Variants in AGPAT3 observed in about 807,000 individuals in gnomAD.
AGPAT3 encodes the protein 1-acyl-sn-glycerol-3-phosphate acyltransferase gamma.
In AGPAT3, 5 loss-of-function variants were observed where a neutral mutation model predicts 47.3. That is an observed-to-expected ratio of 0.11 (90% CI 0.06 to 0.22). AGPAT3 has a LOEUF of 0.22. AGPAT3 is among the 10% of genes least tolerant of loss of function. AGPAT3 has a pLI of 1.00. For missense variants in AGPAT3, 315 were observed against 493.0 expected, an observed-to-expected ratio of 0.64 and a Z score of 3.42; for synonymous variants, 212 against 208.3, an observed-to-expected ratio of 1.02 and a Z score of -0.15.
intron 1 of AGPAT3, among the ~76,000 whole-genome samples, chr21:43,895,318 A>G (rs1289785758): frequency 6.6e-6 from 1 of 151,890 alleles, no homozygotes; most frequent in Non-Finnish European, 1.5e-5. Context: ...CATGTTGCCC[A>G]GGCTGGTCTC....
At chr21:43,946,185 C>T (rs547805122) in intron 2 of AGPAT3, among the ~76,000 whole-genome samples, 2 of 152,204 alleles carry the variant, frequency 1.3e-5, no homozygotes, top group East Asian at 3.9e-4. Flanking sequence ...GAAGCAAAGT[C>T]GAGAACTTAC....
At chr21:43,926,001 G>A (rs1435943600) in intron 2 of AGPAT3, among the ~76,000 whole-genome samples, 2 of 152,266 alleles carry the variant, frequency 1.3e-5, no homozygotes, top group Non-Finnish European at 2.9e-5. Flanking sequence ...CTGGAAATAG[G>A]TACTGGATTT....
At chr21:43,936,561 G>A (rs1395244067) in intron 2 of AGPAT3, among the ~76,000 whole-genome samples, 4 of 152,234 alleles carry the variant, frequency 2.6e-5, no homozygotes, top group Non-Finnish European at 5.9e-5. Context: ...CAGGTGGCAC[G>A]CCGGTAATGC....
At chr21:43,890,419 A>C (rs1360926133) in intron 1 of AGPAT3, among the ~76,000 whole-genome samples, 1 of 151,910 alleles carries the variant, frequency 6.6e-6, no homozygotes, top group Non-Finnish European at 1.5e-5. Flanking sequence ...ACCCGGTCTC[A>C]ATTTTTTTTT....
chr21:43,879,516 G>A lies in AGPAT3; in HGVS notation c.-112+14171G>A, dbSNP rs561238898. Among the ~76,000 whole-genome samples, 7 of 152,166 alleles carry A rather than the reference G, an allele frequency of 4.6e-5. No individual in the cohort carries two copies. The East Asian group carries it at 5.8e-4, about 13-fold the overall frequency. ...CTGGAGGAGGAGTCTGGTCTTTCTC[G>A]GTGGGAAGTGCTGGGTGGCCGTGGG... is the stretch of plus-strand genomic sequence containing the variant. On this transcript the variant is annotated intron_variant, in intron 1 of 9. Transcript: ENST00000291572.
In AGPAT3 at chr21:43,920,503, C is replaced by T. The variant is rs1288893567; in HGVS notation, c.-49+16484C>T. On this transcript the variant is annotated intron_variant, in intron 2 of 9. Transcript: ENST00000291572. This position sits in a 1 kb window ranked among gnomAD's most constrained non-coding sequence, Gnocchi z 6.1. Reference sequence around the variant, plus strand: ...TAATGAGGTGACTGTGGCTGGGGCTCCAGGACAGCCTCCTGGGGGACTGGT... The same window carrying T: ...TAATGAGGTGACTGTGGCTGGGGCTTCAGGACAGCCTCCTGGGGGACTGGT... 6.6e-6 allele frequency among the ~76,000 whole-genome samples: 1 copy of T among 152,026 alleles called. No individual in the cohort carries two copies. Among genetic ancestry groups the T allele is most frequent in the Non-Finnish European group, 1.5e-5 (1 of 68,000 alleles).
chr21:43,983,429 G>C lies in AGPAT3; in HGVS notation c.*1037G>C, dbSNP rs2029916455. The stretch of plus-strand genomic sequence containing the variant: ...GTTTTCAACTTCCTGCTGGAAACTA[G>C]AGGTGGGGCACCCCCCACCCCCCAG... On this transcript the variant is annotated 3_prime_UTR_variant, in exon 10 of 10. Coordinates refer to ENST00000291572, the MANE Select transcript of AGPAT3 (RefSeq NM_020132.5). The C allele has an allele frequency of 6.6e-6, 1 of 152,234 alleles. No homozygotes were observed. Among genetic ancestry groups the C allele is most frequent in the African/African-American group, 2.4e-5 (1 of 41,436 alleles). 9.4% of individuals were successfully genotyped at this position (152,234 alleles called of 1,614,324 possible).
At chr21:43,949,461 C>T (rs149837467) in intron 2 of AGPAT3, among the ~76,000 whole-genome samples, 1 of 152,370 alleles carries the variant, frequency 6.6e-6, no homozygotes, top group Non-Finnish European at 1.5e-5. Flanking sequence ...CAAGCCACCA[C>T]CTCTGATGGC....
intron 2 of AGPAT3, among the ~76,000 whole-genome samples, chr21:43,944,965 G>T (rs1334579152): frequency 6.6e-6 from 1 of 152,236 alleles, no homozygotes; most frequent in Non-Finnish European, 1.5e-5. Flanking sequence ...GCTCCGGCAG[G>T]CAAGGGTCCC....
intron 2 of AGPAT3, among the ~76,000 whole-genome samples, chr21:43,916,709 G>A (rs972424999): frequency 2.0e-5 from 3 of 152,104 alleles, no homozygotes; most frequent in African/African-American, 7.2e-5. Flanking sequence ...TTTTTGTATC[G>A]GTAGATATGA....
At chr21:43,912,123 A>T (rs2086643592) in intron 2 of AGPAT3, among the ~76,000 whole-genome samples, 1 of 152,232 alleles carries the variant, frequency 6.6e-6, no homozygotes, top group Non-Finnish European at 1.5e-5. Context: ...GTAAGTGTTC[A>T]TCTCAACACT....
intron 2 of AGPAT3, among the ~76,000 whole-genome samples, chr21:43,942,352 C>T (rs1185693709): frequency 6.6e-6 from 1 of 152,210 alleles, no homozygotes; most frequent in Admixed American, 6.5e-5. Context: ...CCTCCCAGAG[C>T]AGGAAGGCGG....
rs948988241 is a variant in AGPAT3, at chr21:43,930,818, G to A, written c.-49+26799G>A. 2.0e-5 allele frequency among the ~76,000 whole-genome samples: 3 copies of A among 152,176 alleles called. No homozygotes were observed. Among genetic ancestry groups the A allele is most frequent in the Non-Finnish European group, 4.4e-5 (3 of 68,008 alleles). Reference sequence around the variant, plus strand: ...GGCCGGGGTGGCCCACGGCAGGCCAGTGTGCGGTCCTCAAGCTGCTGGTGA... The same window carrying A: ...GGCCGGGGTGGCCCACGGCAGGCCAATGTGCGGTCCTCAAGCTGCTGGTGA... On this transcript the variant is annotated intron_variant, in intron 2 of 9. Transcript: ENST00000291572. The surrounding 1 kb of genome is among the most constrained non-coding windows in gnomAD (Gnocchi z 5.0).
intron 1 of AGPAT3, among the ~76,000 whole-genome samples, chr21:43,878,625 G>A (rs2085784209): frequency 6.6e-6 from 1 of 152,290 alleles, no homozygotes; most frequent in African/African-American, 2.4e-5. Flanking sequence ...CGTTAGACAC[G>A]TTGTTGCTGA....
At chr21:43,883,288 A>G (rs376390554) in intron 1 of AGPAT3, among the ~76,000 whole-genome samples, 2 of 152,266 alleles carry the variant, frequency 1.3e-5, no homozygotes, top group East Asian at 1.9e-4. Context: ...CCCAGAGTCC[A>G]TGGTGCTGTG....
At chr21:43,949,885 A>T (rs866788083) in intron 2 of AGPAT3, among the ~76,000 whole-genome samples, 1 of 152,226 alleles carries the variant, frequency 6.6e-6, no homozygotes, top group East Asian at 1.9e-4. Context: ...TCCTGAACAC[A>T]CAAGGGGATC....
rs560404259 is a variant in AGPAT3, at chr21:43,930,276, T to C, written c.-49+26257T>C. ...CGCACGGTGGGGTAGGGGGCTCTGG[T>C]GCCAATACCAATGCAGCCCGGTTCC... On this transcript the variant is annotated intron_variant, in intron 2 of 9. Coordinates refer to ENST00000291572, the MANE Select transcript of AGPAT3 (RefSeq NM_020132.5). This position sits in a 1 kb window ranked among gnomAD's most constrained non-coding sequence, Gnocchi z 5.0. Among the ~76,000 whole-genome samples, 29 of 152,176 alleles carry C rather than the reference T, an allele frequency of 1.9e-4. No homozygotes were observed. In the South Asian group the frequency reaches 6.0e-3, roughly 32 times the overall value.
chr21:43,880,745 C>T lies in AGPAT3; in HGVS notation c.-112+15400C>T, dbSNP rs1478019819. Among the ~76,000 whole-genome samples the T allele has an allele frequency of 6.6e-5, 10 of 152,234 alleles. No homozygotes were observed. Among genetic ancestry groups the T allele is most frequent in the Admixed American group, 1.3e-4 (2 of 15,288 alleles). ...TCTCCCCAAAGTGGAAACAAGGACA[C>T]GTCTAGAGACAGGCGCTGGACGTCT... On this transcript the variant is annotated intron_variant, in intron 1 of 9. Transcript: ENST00000291572. The surrounding 1 kb of genome is among the most constrained non-coding windows in gnomAD (Gnocchi z 4.5).
At position 43,914,227 on chromosome 21, in the gene AGPAT3, C is replaced by T. The variant is rs149262302; in HGVS notation, c.-49+10208C>T. ...GGCCTGGGGCCCCCTGGGGTCCTTA[C>T]GCCACAATTTGAGATGGTGATTTAG... On this transcript the variant is annotated intron_variant, in intron 2 of 9. Coordinates refer to ENST00000291572, the MANE Select transcript of AGPAT3 (RefSeq NM_020132.5). Among the ~76,000 whole-genome samples the T allele has an allele frequency of 8.1e-3, 1,236 of 152,312 alleles. 6 individuals are homozygous for T. Among genetic ancestry groups the T allele is most frequent in the Non-Finnish European group, 0.012 (850 of 68,040 alleles).
Sources: gnomAD v4.1 joint callset for allele counts (sites outside exome capture counted in the v4.1 genomes callset) on GRCh38, gnomAD v4.1.1 for gene constraint, Gnocchi (gnomAD v3.1) non-coding constraint, MANE v1.5 for transcripts, NCBI Gene and HGNC (gene_info 2026-07-23, HGNC 2026-07-21) for gene names.